CHSY3: variants seen among roughly 807,000 people sequenced by gnomAD.
CHSY3 encodes N-acetylgalactosaminyl-proteoglycan 3-beta-glucuronosyltransferase 3.
Under a neutral mutation model 67.2 loss-of-function variants are expected in CHSY3, and 35 were observed. The ratio of observed to expected loss-of-function variants is 0.52; its 90% CI spans 0.40 to 0.69. CHSY3 has a LOEUF of 0.69. Ranked by LOEUF, CHSY3 falls within the 30% of genes least tolerant of loss-of-function variation. The pLI is 0.00. For synonymous variants in CHSY3, 474 were observed against 434.7 expected (o/e 1.09, Z -1.12); for missense variants, 1,069 against 1,138.5 (o/e 0.94, Z 0.88).
chr5:130,164,222 C>T (rs531782616), intron 2 of CHSY3, among the ~76,000 whole-genome samples: 2 of 152,172 alleles, frequency 1.3e-5, no homozygotes, highest in South Asian at 2.1e-4. Context: ...AATATCGATG[C>T]CCTATAATAA....
chr5:130,010,932 A>C (rs1764038905), intron 2 of CHSY3, among the ~76,000 whole-genome samples: 1 of 98,994 alleles, frequency 1.0e-5, no homozygotes, highest in African/African-American at 3.9e-5. Flanking sequence ...CTAGAAAGAA[A>C]TTAAAACCCG....
chr5:130,170,014 C>T (rs532384220), intron 2 of CHSY3, among the ~76,000 whole-genome samples: 167 of 151,934 alleles, frequency 1.1e-3, no homozygotes, highest in African/African-American at 3.8e-3. Flanking sequence ...TCAAGAGGTA[C>T]GTGTGCATAT....
intron 2 of CHSY3, among the ~76,000 whole-genome samples, chr5:129,991,096 G>A (rs1346444295): frequency 6.6e-6 from 1 of 152,112 alleles, no homozygotes; most frequent in Non-Finnish European, 1.5e-5. Flanking sequence ...GAAGGGGTTG[G>A]GGAGGTTGCA....
chr5:129,948,104 A>G (rs549542097), intron 2 of CHSY3, among the ~76,000 whole-genome samples: 1 of 152,330 alleles, frequency 6.6e-6, no homozygotes, highest in South Asian at 2.1e-4. Flanking sequence ...CTGCTAAACA[A>G]AATTGACAAA....
chr5:130,158,989 C>G (rs937036635), intron 2 of CHSY3, among the ~76,000 whole-genome samples: 1 of 151,832 alleles, frequency 6.6e-6, no homozygotes, highest in African/African-American at 2.4e-5. Context: ...TTTGTAGAGA[C>G]GCAGTTTCAC....
chr5:129,996,982 A>G (rs1242599955), intron 2 of CHSY3, among the ~76,000 whole-genome samples: 3 of 152,182 alleles, frequency 2.0e-5, no homozygotes, highest in Non-Finnish European at 2.9e-5. Context: ...ATGAATCCAT[A>G]TAAAGACCAG....
In CHSY3 at chr5:129,939,101, C is replaced by G. The variant is rs143464588; in HGVS notation, c.1086+30741C>G. The stretch of plus-strand genomic sequence containing the variant: ...GCCCTCAGGAAACTTACAATCATGC[C>G]AGAAGCTTACAGGGAAGTAGGCATA... On this transcript the variant is annotated intron_variant, in intron 2 of 2. Coordinates refer to ENST00000305031, the MANE Select transcript of CHSY3 (RefSeq NM_175856.5). Among the ~76,000 whole-genome samples the G allele has an allele frequency of 8.7e-4, 132 of 152,272 alleles. 2 individuals carry two copies. The Middle Eastern group carries it at 0.041, about 47-fold the overall frequency.
At chr5:130,093,149 T>C (rs1444705677) in intron 2 of CHSY3, among the ~76,000 whole-genome samples, 1 of 152,224 alleles carries the variant, frequency 6.6e-6, no homozygotes, top group African/African-American at 2.4e-5. Context: ...AACAATTCCA[T>C]TGAATTTAGA....
intron 2 of CHSY3, among the ~76,000 whole-genome samples, chr5:129,981,309 G>T (rs780692909): frequency 1.3e-5 from 2 of 151,566 alleles, no homozygotes; most frequent in Non-Finnish European, 2.9e-5. Context: ...ATATTTGTCT[G>T]TTCTGCTGCC....
chr5:129,986,243 T>C (rs954482144), intron 2 of CHSY3, among the ~76,000 whole-genome samples: 1 of 152,194 alleles, frequency 6.6e-6, no homozygotes, highest in African/African-American at 2.4e-5. Context: ...TGAAGGGATG[T>C]TGAATTTTAG....
intron 2 of CHSY3, chr5:130,140,672 G>C (rs73788411): frequency 1.3e-4 from 43 of 343,580 alleles, no homozygotes; most frequent in African/African-American, 9.2e-4. Flanking sequence ...AATCTCTGAC[G>C]TTAGGTCTAC....
intron 2 of CHSY3, among the ~76,000 whole-genome samples, chr5:130,037,222 A>G (rs1005114599): frequency 2.0e-5 from 3 of 152,106 alleles, no homozygotes; most frequent in Non-Finnish European, 4.4e-5. Context: ...AAATTAGCCC[A>G]GAAATTAGAC....
intron 2 of CHSY3, among the ~76,000 whole-genome samples, chr5:129,930,088 C>T (rs1024079445): frequency 2.6e-5 from 4 of 152,142 alleles, no homozygotes; most frequent in African/African-American, 9.7e-5. Flanking sequence ...AATCTTAGCA[C>T]TTTGGAAGGC....
chr5:129,927,340 A>T (rs1761150931), intron 2 of CHSY3, among the ~76,000 whole-genome samples: 1 of 151,774 alleles, frequency 6.6e-6, no homozygotes, highest in African/African-American at 2.4e-5. Flanking sequence ...CATTTTTCTT[A>T]AAAAAAACTT....
intron 2 of CHSY3, among the ~76,000 whole-genome samples, chr5:130,035,886 G>GT (rs1180462327): frequency 0.013 from 834 of 65,578 alleles, 26 homozygotes; most frequent in Non-Finnish European, 0.017. Flanking sequence ...TCATTTGGTT[G>GT]TTTTTTTTTT....
At chr5:129,952,804 G>A (rs534429440) in intron 2 of CHSY3, among the ~76,000 whole-genome samples, 1 of 152,284 alleles carries the variant, frequency 6.6e-6, no homozygotes, top group East Asian at 1.9e-4. Flanking sequence ...AACTTTTAAT[G>A]TCTACTATAT....
At chr5:130,001,010 C>A (rs1198625864) in intron 2 of CHSY3, among the ~76,000 whole-genome samples, 1 of 151,644 alleles carries the variant, frequency 6.6e-6, no homozygotes, top group Non-Finnish European at 1.5e-5. Context: ...CCTGCCTCAG[C>A]CTCCCGAGTA....
At chr5:130,138,829 A>T (rs116472539) in intron 2 of CHSY3, among the ~76,000 whole-genome samples, 1,557 of 152,290 alleles carry the variant, frequency 0.01, 26 homozygotes, top group African/African-American at 0.035. Flanking sequence ...CCTTTTGTTA[A>T]AGTAGAGCAA....
At chr5:130,000,307 A>G (rs555908001) in intron 2 of CHSY3, among the ~76,000 whole-genome samples, 232 of 152,348 alleles carry the variant, frequency 1.5e-3, no homozygotes, top group Non-Finnish European at 2.3e-3. Flanking sequence ...GGTACAAATA[A>G]TAAGGTAGAA....
Sources: gnomAD v4.1 joint callset for allele counts (sites outside exome capture counted in the v4.1 genomes callset) on GRCh38, gnomAD v4.1.1 for gene constraint, MANE v1.5 for transcripts, NCBI Gene and HGNC (gene_info 2026-07-23, HGNC 2026-07-21) for gene names.